The following PLCE1 variants were observed in gnomAD, a reference collection of about 807,000 sequenced individuals.
PLCE1 encodes phospholipase C epsilon 1.
Under a neutral mutation model 242.8 loss-of-function variants are expected in PLCE1, and 119 were observed. That is an observed-to-expected ratio of 0.49 (90% CI 0.42 to 0.57). The LOEUF is 0.57. PLCE1 is among the 20% of genes least tolerant of loss of function. The pLI, the probability that PLCE1 is intolerant of heterozygous loss-of-function variation, is 0.00. For missense variants in PLCE1, 2,441 were observed against 2,788.8 expected (o/e 0.88, Z 2.81); for synonymous variants, 945 against 1,017.4 (o/e 0.93, Z 1.35).
At chr10:94,255,409 G>C (rs1178351238) in intron 11 of PLCE1, among the ~76,000 whole-genome samples, 2 of 152,146 alleles carry the variant, frequency 1.3e-5, no homozygotes, top group Non-Finnish European at 2.9e-5. Context: ...GACATTTCAA[G>C]TGCTCCATAG....
chr10:94,027,820 A>AAAATAAATAAAT (rs5787098), intron 1 of PLCE1, among the ~76,000 whole-genome samples: 11 of 149,296 alleles, frequency 7.4e-5, no homozygotes, highest in Admixed American at 1.3e-4. Context: ...ACTCCATCTC[A>AAAATAAATAAAT]AAATAAATAA....
At chr10:94,130,974 C>G (rs1026863887) in intron 2 of PLCE1, among the ~76,000 whole-genome samples, 17 of 152,194 alleles carry the variant, frequency 1.1e-4, no homozygotes, top group African/African-American at 3.6e-4. Context: ...ACTCTAAGCT[C>G]TTGGCTTTTC....
At chr10:94,018,860 A>G (rs1347382587) in intron 1 of PLCE1, among the ~76,000 whole-genome samples, 1 of 152,198 alleles carries the variant, frequency 6.6e-6, no homozygotes, top group Non-Finnish European at 1.5e-5. Context: ...GCACTGGATA[A>G]GATAAGGAAA....
chr10:94,215,745 A>G (rs1183156428), intron 4 of PLCE1, among the ~76,000 whole-genome samples: 1 of 152,176 alleles, frequency 6.6e-6, no homozygotes, highest in East Asian at 1.9e-4. Flanking sequence ...AGGATGTAGC[A>G]TAAGAAGAGA....
At position 94,332,104 on chromosome 10, in the gene PLCE1, C is replaced by A. The variant is rs1384537392; in HGVS notation, c.*4161C>A. 1 of 151,984 alleles carries A rather than the reference C, an allele frequency of 6.6e-6. No homozygotes were observed. Among genetic ancestry groups the A allele is most frequent in the Non-Finnish European group, 1.5e-5 (1 of 68,076 alleles). The allele number at this position is 151,984 out of a possible 1,614,324, so 9.4% of individuals were successfully genotyped here. On this transcript the variant is annotated 3_prime_UTR_variant, in exon 33 of 33. Coordinates refer to ENST00000371380, the MANE Select transcript of PLCE1 (RefSeq NM_016341.4). ...AAGGCTGGTCTCGAACTCCTGACCT[C>A]GTGATCCACCCGCCTCAGCCTCCCA... is the stretch of plus-strand genomic sequence containing the variant.
intron 2 of PLCE1, among the ~76,000 whole-genome samples, chr10:94,064,797 C>T (rs2044153628): frequency 6.6e-6 from 1 of 152,140 alleles, no homozygotes; most frequent in Non-Finnish European, 1.5e-5. Context: ...GGTCAGGGAG[C>T]ATTCAGAGTC....
At chr10:94,129,193 G>A (rs2046522494) in intron 2 of PLCE1, among the ~76,000 whole-genome samples, 1 of 152,224 alleles carries the variant, frequency 6.6e-6, no homozygotes, top group African/African-American at 2.4e-5. Flanking sequence ...AAGACTTCAA[G>A]AAGGATGGAT....
intron 2 of PLCE1, among the ~76,000 whole-genome samples, chr10:94,116,245 C>T (rs2046126173): frequency 6.6e-6 from 1 of 152,148 alleles, no homozygotes; most frequent in Non-Finnish European, 1.5e-5. Flanking sequence ...CTTTTATTTG[C>T]TATATCTATA....
intron 13 of PLCE1, among the ~76,000 whole-genome samples, chr10:94,262,249 C>T (rs1369944297): frequency 6.6e-6 from 1 of 152,160 alleles, no homozygotes; most frequent in East Asian, 1.9e-4. Flanking sequence ...GGTCCACCTG[C>T]CTCAGCCTCC....
chr10:94,249,430 A>AT (rs2050798037), intron 8 of PLCE1, among the ~76,000 whole-genome samples: 1 of 152,028 alleles, frequency 6.6e-6, no homozygotes, highest in African/African-American at 2.4e-5. Context: ...AAAGTTAAAA[A>AT]AAAAAACTAT....
At chr10:94,258,115 T>A (rs1449487080) in intron 11 of PLCE1, among the ~76,000 whole-genome samples, 6 of 152,162 alleles carry the variant, frequency 3.9e-5, no homozygotes, top group African/African-American at 1.4e-4. Context: ...CAAAGCTGGC[T>A]TTTTTCCATT....
chr10:94,325,836 T>C (rs1263220287), intron 32 of PLCE1, among the ~76,000 whole-genome samples: 1 of 152,164 alleles, frequency 6.6e-6, no homozygotes, highest in Non-Finnish European at 1.5e-5. Context: ...TCTCGTTTTA[T>C]TACTGTTCTA....
chr10:94,250,610 T>G (rs2050842614), intron 8 of PLCE1, among the ~76,000 whole-genome samples: 1 of 152,226 alleles, frequency 6.6e-6, no homozygotes, highest in African/African-American at 2.4e-5. Context: ...CCCAGAAAGC[T>G]TCCTTTAAAG....
chr10:94,164,680 G>A (rs1476519596), intron 3 of PLCE1, among the ~76,000 whole-genome samples: 1 of 152,208 alleles, frequency 6.6e-6, no homozygotes, highest in Non-Finnish European at 1.5e-5. Context: ...TGCTGGTGAG[G>A]AGCTGCATTC....
chr10:94,276,557 TA>T (rs1165362194), intron 19 of PLCE1, among the ~76,000 whole-genome samples: 1 of 152,180 alleles, frequency 6.6e-6, no homozygotes, highest in Non-Finnish European at 1.5e-5. Context: ...GCGTAAAAAA[TA>T]ATAACAATAA....
chr10:94,308,732 T>C (rs758049462), intron 27 of PLCE1, 33 bp downstream of exon 27: 20 of 1,365,862 alleles, frequency 1.5e-5, no homozygotes, highest in Middle Eastern at 3.6e-4. Context: ...AACATATTTA[T>C]GGGGATTGCT....
At chr10:94,219,170 A>G (rs2049636685) in intron 4 of PLCE1, among the ~76,000 whole-genome samples, 1 of 152,096 alleles carries the variant, frequency 6.6e-6, no homozygotes, top group South Asian at 2.1e-4. Flanking sequence ...TGCATACTAT[A>G]TAGTGGATAC....
intron 3 of PLCE1, among the ~76,000 whole-genome samples, chr10:94,134,876 GTTTC>G (rs2046718438): frequency 6.6e-6 from 1 of 152,210 alleles, no homozygotes; most frequent in Non-Finnish European, 1.5e-5. Context: ...AGAGTTGGAA[GTTTC>G]TTTAACTTTT....
At chr10:94,010,988 C>G (rs2061156560) in intron 1 of PLCE1, among the ~76,000 whole-genome samples, 1 of 152,164 alleles carries the variant, frequency 6.6e-6, no homozygotes, top group African/African-American at 2.4e-5. Context: ...AAAGCCACTT[C>G]CACATTTTCA....
Sources: allele counts gnomAD v4.1 joint callset (sites outside exome capture counted in the v4.1 genomes callset), GRCh38; gene constraint gnomAD v4.1.1; transcripts MANE v1.5; gene names NCBI Gene and HGNC (gene_info 2026-07-23, HGNC 2026-07-21).